Variants in NUMB observed in about 807,000 individuals in gnomAD.
NUMB encodes protein numb homolog.
In NUMB, 29 loss-of-function variants were observed where a neutral mutation model predicts 59.7. That is an observed-to-expected ratio of 0.49 (90% CI 0.36 to 0.66). The LOEUF (loss-of-function observed/expected upper bound fraction) is 0.66. Ranked by LOEUF, NUMB falls within the 30% of genes least tolerant of loss-of-function variation. NUMB has a pLI of 0.00. For synonymous variants in NUMB, 288 were observed against 288.2 expected, an observed-to-expected ratio of 1.00 and a Z score of 0.01; for missense variants, 723 against 822.0, an observed-to-expected ratio of 0.88 and a Z score of 1.47.
At chr14:73,352,771 T>C (rs900177094) in intron 4 of NUMB, among the ~76,000 whole-genome samples, 6 of 148,802 alleles carry the variant, frequency 4.0e-5, no homozygotes, top group Non-Finnish European at 7.4e-5. Context: ...CTCAATCTCC[T>C]GACCTCGTGA....
At chr14:73,445,944 C>T (rs909724057) in intron 1 of NUMB, among the ~76,000 whole-genome samples, 1 of 149,908 alleles carries the variant, frequency 6.7e-6, no homozygotes, top group Non-Finnish European at 1.5e-5. Context: ...GTCCTGACTG[C>T]AAAAAATTAA....
chr14:73,293,924 CA>C (rs1889580826), intron 7 of NUMB, among the ~76,000 whole-genome samples: 1 of 152,182 alleles, frequency 6.6e-6, no homozygotes, highest in Non-Finnish European at 1.5e-5. Context: ...ATTTCTTGGT[CA>C]AATAGTGAAG....
chr14:73,398,709 T>C (rs1005426546), intron 2 of NUMB, among the ~76,000 whole-genome samples: 5 of 152,084 alleles, frequency 3.3e-5, no homozygotes, highest in South Asian at 2.1e-4. Flanking sequence ...TCCCATCAGA[T>C]TGACAAGGCT....
chr14:73,391,810 T>G (rs541088307), intron 2 of NUMB, among the ~76,000 whole-genome samples: 8 of 152,348 alleles, frequency 5.3e-5, no homozygotes, highest in Non-Finnish European at 1.0e-4. Flanking sequence ...GGCAATCTCA[T>G]TAAATGTCCT....
intron 1 of NUMB, among the ~76,000 whole-genome samples, chr14:73,437,412 G>A (rs1341516895): frequency 6.6e-6 from 1 of 152,156 alleles, no homozygotes; most frequent in Non-Finnish European, 1.5e-5. Context: ...CATGTAAGAA[G>A]AGACTGGCTT....
chr14:73,426,302 CA>C (rs1897572954), intron 1 of NUMB, among the ~76,000 whole-genome samples: 3 of 152,072 alleles, frequency 2.0e-5, no homozygotes, highest in African/African-American at 7.2e-5. Flanking sequence ...AATACAAATG[CA>C]AAGTGGTAAG....
intron 1 of NUMB, among the ~76,000 whole-genome samples, chr14:73,439,449 A>G (rs901073028): frequency 2.0e-5 from 3 of 152,198 alleles, no homozygotes; most frequent in African/African-American, 7.2e-5. Flanking sequence ...AACCTTACAA[A>G]TTGTAAAATA....
intron 1 of NUMB, among the ~76,000 whole-genome samples, chr14:73,454,849 T>C (rs957845087): frequency 6.6e-6 from 1 of 152,204 alleles, no homozygotes; most frequent in African/African-American, 2.4e-5. Flanking sequence ...TGAACTTTTC[T>C]ATTTGTCATA....
In NUMB at chr14:73,335,763, A is replaced by G. The variant is rs187122065; in HGVS notation, c.127-12559T>C. On this transcript the variant is annotated intron_variant, in intron 4 of 12. Transcript: ENST00000555238. ...CTCTGATGTGAGAGACTCTATAGTC[A>G]GCAGTTCCCAACATTAACAAAAGTG... is the stretch of plus-strand genomic sequence containing the variant. 4.7e-3 allele frequency among the ~76,000 whole-genome samples: 713 copies of G among 152,352 alleles called. 4 individuals are homozygous for G. Among genetic ancestry groups the G allele is most frequent in the African/African-American group, 0.016 (677 of 41,588 alleles).
At chr14:73,454,479 T>G (rs1188776207) in intron 1 of NUMB, among the ~76,000 whole-genome samples, 3 of 152,194 alleles carry the variant, frequency 2.0e-5, no homozygotes, top group African/African-American at 7.2e-5. Context: ...TCTATTAGAA[T>G]TTATTGTACA....
chr14:73,401,329 ACT>A (rs1200374722), intron 2 of NUMB, among the ~76,000 whole-genome samples: 2 of 150,682 alleles, frequency 1.3e-5, no homozygotes, highest in African/African-American at 2.4e-5. Flanking sequence ...GTATATGGAA[ACT>A]CTCTGTATTT....
chr14:73,343,248 T>A (rs1452950708), intron 4 of NUMB, among the ~76,000 whole-genome samples: 1 of 152,110 alleles, frequency 6.6e-6, no homozygotes, highest in Admixed American at 6.6e-5. Context: ...AGATCACTAC[T>A]ACAACACTGA....
chr14:73,412,380 C>A lies in NUMB; in HGVS notation c.-232-2312G>T, dbSNP rs556125113. 1.4e-3 allele frequency among the ~76,000 whole-genome samples: 209 copies of A among 152,230 alleles called. 1 individual carries two copies. Among genetic ancestry groups the A allele is most frequent in the Admixed American group, 0.012 (185 of 15,280 alleles). On this transcript the variant is annotated intron_variant, in intron 1 of 12. Transcript: ENST00000555238. ...CGGTGGCTCACGCTTGTAATCCCAG[C>A]ACTTTGGGAGGCTGAGGCAGGCAGA...
chr14:73,440,278 T>C (rs936080569), intron 1 of NUMB, among the ~76,000 whole-genome samples: 7 of 151,610 alleles, frequency 4.6e-5, no homozygotes, highest in African/African-American at 1.7e-4. Flanking sequence ...TCCATATATA[T>C]ATACACATCC....
At chr14:73,354,701 G>A (rs1277767086) in intron 4 of NUMB, among the ~76,000 whole-genome samples, 2 of 150,650 alleles carry the variant, frequency 1.3e-5, no homozygotes, top group East Asian at 3.9e-4. Flanking sequence ...GGTGGGGCAC[G>A]CCTGTAGTCC....
At chr14:73,358,930 G>C (rs556151826) in intron 3 of NUMB, among the ~76,000 whole-genome samples, 1 of 152,176 alleles carries the variant, frequency 6.6e-6, no homozygotes, top group Non-Finnish European at 1.5e-5. Context: ...GGAAGAGACT[G>C]ACAGTGTAAT....
chr14:73,445,163 A>G (rs1269000211), intron 1 of NUMB, among the ~76,000 whole-genome samples: 1 of 151,834 alleles, frequency 6.6e-6, no homozygotes, highest in Non-Finnish European at 1.5e-5. Context: ...TTACTAGCCT[A>G]GGCAACACAG....
intron 9 of NUMB, chr14:73,284,842 ATTT>A (rs1888876735): frequency 6.6e-6 from 1 of 151,034 alleles, no homozygotes; most frequent in Non-Finnish European, 1.5e-5. Flanking sequence ...TTATTTATTT[ATTT>A]ATTTATTTAT....
intron 6 of NUMB, among the ~76,000 whole-genome samples, chr14:73,306,833 C>T (rs949581992): frequency 6.6e-6 from 1 of 152,164 alleles, no homozygotes; most frequent in Non-Finnish European, 1.5e-5. Flanking sequence ...CATTCCTTTA[C>T]GCATTAATTC....
Sources: gnomAD v4.1 joint callset for allele counts (sites outside exome capture counted in the v4.1 genomes callset) on GRCh38, gnomAD v4.1.1 for gene constraint, MANE v1.5 for transcripts, NCBI Gene and HGNC (gene_info 2026-07-23, HGNC 2026-07-21) for gene names.